The following FAM120AOS variants were observed in gnomAD, a reference collection of about 807,000 sequenced individuals.
The protein encoded by FAM120AOS is uncharacterized protein FAM120AOS.
Under a neutral mutation model 20.2 loss-of-function variants are expected in FAM120AOS, and 15 were observed. That is an observed-to-expected ratio of 0.74 (90% confidence interval 0.50 to 1.15). The LOEUF (loss-of-function observed/expected upper bound fraction) is 1.15. Ranked by LOEUF, FAM120AOS falls within the 50% of genes most tolerant of loss-of-function variation. FAM120AOS has a pLI of 0.00. For missense variants in FAM120AOS, 327 were observed against 351.9 expected (o/e 0.93, Z 0.57); for synonymous variants, 154 against 154.0 (o/e 1.00, Z 0.00).
rs1466679293 is a variant in FAM120AOS at position 93,452,070 on chromosome 9, A to G, written c.563+77T>C. 1.2e-6 allele frequency: 2 copies of G among 1,600,142 alleles called. No homozygotes were observed. Among genetic ancestry groups the G allele is most frequent in the Non-Finnish European group, 1.7e-6 (2 of 1,174,384 alleles). ...CTGCGCCTGCTGGTGGACGCCGACA[A>G]CTGCCTGCACCGCCTCTACGGCGGC... On this transcript the variant is annotated intron_variant, in intron 1 of 2. Coordinates refer to ENST00000375412, the MANE Select transcript of FAM120AOS (RefSeq NM_198841.4). The surrounding 1 kb of genome is among the most constrained non-coding windows in gnomAD (Gnocchi z 7.0).
At chr9:93,451,842 C>T (rs1230326831) in intron 1 of FAM120AOS, 1 of 968,480 alleles carries the variant, frequency 1.0e-6, no homozygotes, top group Non-Finnish European at 1.2e-6. Context: ...CCAGCCCGCC[C>T]GCGCGCCACG....
Position 93,452,887 on chromosome 9 carries a change from G to C in FAM120AOS, c.-178C>G. 1.4e-6 allele frequency: 2 copies of C among 1,445,758 alleles called. No homozygotes were observed. The highest frequency in any genetic ancestry group is 1.8e-6 in the Non-Finnish European group (2 of 1,107,670). 89.6% of individuals were successfully genotyped at this position (1,445,758 alleles called of 1,614,324 possible). A position where few individuals can be genotyped will look rare whatever the true frequency, so the allele number is the denominator to read the frequency against. On this transcript the variant is annotated 5_prime_UTR_variant, in exon 1 of 3. Coordinates refer to ENST00000375412, the MANE Select transcript of FAM120AOS (RefSeq NM_198841.4). The surrounding 1 kb of genome is among the most constrained non-coding windows in gnomAD (Gnocchi z 7.0). ...TGCAAATATCAGTGCTGCTGCCGCC[G>C]CCCTTGCCAATGTTGTTAGCCCGGT... is the stretch of plus-strand genomic sequence containing the variant.
chr9:93,445,963 T>C lies in FAM120AOS; in HGVS notation c.*1648A>G, dbSNP rs564856630. On this transcript the variant is annotated 3_prime_UTR_variant, in exon 3 of 3. Coordinates refer to ENST00000375412, the MANE Select transcript of FAM120AOS (RefSeq NM_198841.4). ...CCAAAATCCTCACTTCTGAGTGCAC[T>C]GATGCAGTAGATGGATGTCTCAGAT... 3.0e-4 allele frequency among the ~76,000 whole-genome samples: 46 copies of C among 152,312 alleles called. 1 individual carries two copies. The South Asian group carries it at 9.5e-3, about 32-fold the overall frequency.
rs772520926 is a variant in FAM120AOS, at chr9:93,452,430, G to C, written c.280C>G (p.Arg94Gly). The change falls in exon 1 of 3, where the codon CGC (arginine) becomes GGC (glycine). Residue 94 changes from arginine to glycine, a missense_variant. Transcript: ENST00000375412. This position sits in a 1 kb window ranked among gnomAD's most constrained non-coding sequence, Gnocchi z 7.0. ...CALGRGIGVR[R>G]GPGPRPARIP... The stretch of plus-strand genomic sequence containing the variant: ...CGGGCGGGCCGGGGACCGGGGCCGC[G>C]CCGCACCCCTATCCCCCTTCCCAGG... The C allele has an allele frequency of 6.4e-7, 1 of 1,570,956 alleles. No homozygotes were observed. The highest frequency in any genetic ancestry group is 1.8e-5 in the Admixed American group (1 of 54,454).
At chr9:93,451,435 C>A in intron 1 of FAM120AOS, 1 of 1,264,582 alleles carries the variant, frequency 7.9e-7, no homozygotes, top group Non-Finnish European at 1.0e-6. Context: ...GGCCGACCGG[C>A]CTGAGGCGGG....
In FAM120AOS at chr9:93,445,929, A is replaced by ATAAC. The variant is rs1477355658; in HGVS notation, c.*1678_*1681dup. Among the ~76,000 whole-genome samples the ATAAC allele has an allele frequency of 3.9e-5, 6 of 152,178 alleles. No individual in the cohort carries two copies. Among genetic ancestry groups the ATAAC allele is most frequent in the Non-Finnish European group, 8.8e-5 (6 of 68,042 alleles). On this transcript the variant is annotated 3_prime_UTR_variant, in exon 3 of 3. Transcript: ENST00000375412. Reference sequence around the variant, plus strand: ...TATATGATGGGCTGATGTCTCATGAATAACTGTGCCAAAATCCTCACTTCT... The same window carrying ATAAC: ...TATATGATGGGCTGATGTCTCATGAATAACTAACTGTGCCAAAATCCTCACTTCT...
Position 93,452,888 on chromosome 9 carries a change from C to T in FAM120AOS, c.-179G>A. Reference sequence around the variant, plus strand: ...GCAAATATCAGTGCTGCTGCCGCCGCCCTTGCCAATGTTGTTAGCCCGGTG... The same window carrying T: ...GCAAATATCAGTGCTGCTGCCGCCGTCCTTGCCAATGTTGTTAGCCCGGTG... On this transcript the variant is annotated 5_prime_UTR_variant, in exon 1 of 3. Coordinates refer to ENST00000375412, the MANE Select transcript of FAM120AOS (RefSeq NM_198841.4). The surrounding 1 kb of genome is among the most constrained non-coding windows in gnomAD (Gnocchi z 7.0). The T allele has an allele frequency of 6.9e-7, 1 of 1,446,122 alleles. No homozygotes were observed. The highest frequency in any genetic ancestry group is 9.0e-7 in the Non-Finnish European group (1 of 1,107,850). The allele number at this position is 1,446,122 out of a possible 1,614,324, so 89.6% of individuals were successfully genotyped here.
At chr9:93,451,770 G>C in intron 1 of FAM120AOS, 1 of 980,218 alleles carries the variant, frequency 1.0e-6, no homozygotes, top group Non-Finnish European at 1.2e-6. Flanking sequence ...TGGCGGCCGC[G>C]GCGGCCATGA....
chr9:93,450,348 G>A (rs978327056), intron 2 of FAM120AOS, 131 bp downstream of exon 2: 90 of 1,340,306 alleles, frequency 6.7e-5, no homozygotes, highest in Non-Finnish European at 9.0e-5. Flanking sequence ...GCATAGGTGA[G>A]TGGCATAACT....
intron 2 of FAM120AOS, among the ~76,000 whole-genome samples, 176 bp from the exon 3 acceptor site, chr9:93,447,873 C>T (rs1856913978): frequency 6.6e-6 from 1 of 152,168 alleles, no homozygotes; most frequent in African/African-American, 2.4e-5. Context: ...AACTCAACTG[C>T]CGATACACGG....
chr9:93,452,475 C>T lies in FAM120AOS; in HGVS notation c.235G>A (p.Gly79Ser). The change falls in exon 1 of 3, where the codon GGC becomes AGC. Residue 79 changes from glycine (G) to serine (S), a missense_variant. Physicochemically the swap from Gly to Ser is moderately conservative, Grantham distance 56. Around this residue, in one of 3 missense-constraint regions of FAM120AOS, gnomAD observed 155 missense variants for 128.8 expected, o/e 1.20. Transcript: ENST00000375412. The surrounding 1 kb of genome is among the most constrained non-coding windows in gnomAD (Gnocchi z 7.0). ...GGTRCPQRRH[G>S]RATFCALGRG... ...CCCAGGGCGCAGAATGTCGCCCGGC[C>T]GTGGCGGCGCTGGGGGCAGCGAGTT... is the stretch of plus-strand genomic sequence containing the variant. The T allele has an allele frequency of 3.9e-6, 6 of 1,544,674 alleles. No individual in the cohort carries two copies. The highest frequency in any genetic ancestry group is 5.2e-6 in the Non-Finnish European group (6 of 1,149,066).
chr9:93,451,293 C>G, intron 1 of FAM120AOS: 1 of 1,466,286 alleles, frequency 6.8e-7, no homozygotes, highest in South Asian at 1.4e-5. Flanking sequence ...CATCTTATCG[C>G]TGCTTCCCTC....
rs1028388064 is a variant in FAM120AOS at position 93,443,630 on chromosome 9, C to A, written c.*3981G>T. Among the ~76,000 whole-genome samples, 1 of 152,162 alleles carries A rather than the reference C, an allele frequency of 6.6e-6. No homozygotes were observed. Among genetic ancestry groups the A allele is most frequent in the Non-Finnish European group, 1.5e-5 (1 of 68,032 alleles). On this transcript the variant is annotated 3_prime_UTR_variant, in exon 3 of 3. Coordinates refer to ENST00000375412, the MANE Select transcript of FAM120AOS (RefSeq NM_198841.4). ...CGTTAGCCTTAGTCTGCAGGTCCTG[C>A]GTTGCCTTCTGTTTGGTGGTGGTGG...
chr9:93,450,216 T>A (rs1857060218), intron 2 of FAM120AOS, among the ~76,000 whole-genome samples: 1 of 151,658 alleles, frequency 6.6e-6, no homozygotes, highest in Non-Finnish European at 1.5e-5. Flanking sequence ...CTCGAACTCC[T>A]GATCTCAAAT....
rs376468534 is a variant in FAM120AOS, at chr9:93,444,910, G to A, written c.*2701C>T. Among the ~76,000 whole-genome samples the A allele has an allele frequency of 2.1e-4, 32 of 152,212 alleles. No individual in the cohort carries two copies. The highest frequency in any genetic ancestry group is 1.7e-3 in the South Asian group (8 of 4,830). The stretch of plus-strand genomic sequence containing the variant: ...ATTACAGGAATGAGCCACTGCACCC[G>A]GCCAGTTCTGCATTTCTTAAGAGAA... On this transcript the variant is annotated 3_prime_UTR_variant, in exon 3 of 3. Transcript: ENST00000375412.
chr9:93,448,194 TATTA>T (rs1216586512), intron 2 of FAM120AOS, among the ~76,000 whole-genome samples: 2 of 152,212 alleles, frequency 1.3e-5, no homozygotes, highest in South Asian at 2.1e-4. Flanking sequence ...CTAAGTAAAA[TATTA>T]ATTAATGATA....
Position 93,452,624 on chromosome 9 carries a change from G to A in FAM120AOS, c.86C>T (p.Pro29Leu). 4 of 1,599,280 alleles carry A rather than the reference G, an allele frequency of 2.5e-6. No homozygotes were observed. The highest frequency in any genetic ancestry group is 3.4e-6 in the Non-Finnish European group (4 of 1,179,880). The change falls in exon 1 of 3, where the codon CCC becomes CTC. Residue 29 changes from proline (P) to leucine (L), a missense_variant. Pro to Leu is a moderately conservative substitution (Grantham distance 98). Coordinates refer to ENST00000375412, the MANE Select transcript of FAM120AOS (RefSeq NM_198841.4). The surrounding 1 kb of genome is among the most constrained non-coding windows in gnomAD (Gnocchi z 7.0). ...CCTGTTCGGGGTCCGCGGCCGCGTG[G>A]GGACACTTGAGGGCTGGGAGAGAGC... ...SGALSQPSSV[P>L]TRPRTPNRDS...
Position 93,447,419 on chromosome 9 carries a change from C to G in FAM120AOS, c.*192G>C. ...GGACATATCACTTTCCTCTCTTGAC[C>G]TTCACATTCAGATGTGTTAATAAAA... On this transcript the variant is annotated 3_prime_UTR_variant, in exon 3 of 3. Coordinates refer to ENST00000375412, the MANE Select transcript of FAM120AOS (RefSeq NM_198841.4). The G allele has an allele frequency of 5.2e-6, 3 of 581,176 alleles. No homozygotes were observed. Among genetic ancestry groups the G allele is most frequent in the Non-Finnish European group, 9.2e-6 (3 of 324,662 alleles). 36.0% of individuals were successfully genotyped at this position (581,176 alleles called of 1,614,324 possible). A position where few individuals can be genotyped will look rare whatever the true frequency, so the allele number is the denominator to read the frequency against.
intron 1 of FAM120AOS, chr9:93,450,836 G>T: frequency 4.4e-6 from 4 of 906,222 alleles, no homozygotes; most frequent in Non-Finnish European, 5.3e-6. Flanking sequence ...AAAGCAACAA[G>T]ATTCAAATCC....
Sources: gnomAD v4.1 joint callset for allele counts (sites outside exome capture counted in the v4.1 genomes callset) on GRCh38, gnomAD v4.1.1 for gene constraint, gnomAD v4.1.1 regional missense constraint, Gnocchi (gnomAD v3.1) non-coding constraint, MANE v1.5 for transcripts, NCBI Gene and HGNC (gene_info 2026-07-23, HGNC 2026-07-21) for gene names.